NPLOC4: variants seen among roughly 807,000 people sequenced by gnomAD.
NPLOC4 encodes NPL4 homolog, ubiquitin recognition factor.
Under a neutral mutation model 80.6 loss-of-function variants are expected in NPLOC4, and 18 were observed. The observed-to-expected ratio is 0.22, with a 90% confidence interval of 0.15 to 0.33. The LOEUF is 0.33. NPLOC4 is among the 10% of genes least tolerant of loss of function. The probability of loss-of-function intolerance (pLI) is 1.00; values close to 1 mark genes in which losing one functional copy is unlikely to be tolerated. For synonymous variants in NPLOC4, 313 were observed against 301.5 expected, an observed-to-expected ratio of 1.04 and a Z score of -0.39; for missense variants, 540 against 786.1, an observed-to-expected ratio of 0.69 and a Z score of 3.74.
intron 9 of NPLOC4, 105 bp from the exon 10 acceptor site, chr17:81,597,421 C>G: frequency 1.2e-6 from 1 of 833,672 alleles, no homozygotes; most frequent in South Asian, 1.4e-5. Flanking sequence ...GAGGCCGAGG[C>G]AGGAGAATCA....
chr17:81,621,112 A>C (rs910317948), intron 3 of NPLOC4, among the ~76,000 whole-genome samples: 5 of 151,920 alleles, frequency 3.3e-5, no homozygotes, highest in Admixed American at 2.0e-4. Flanking sequence ...AGAAAAGGAA[A>C]GAAGGAAGGA....
intron 5 of NPLOC4, among the ~76,000 whole-genome samples, chr17:81,609,926 G>A (rs566637705): frequency 1.3e-5 from 2 of 152,290 alleles, no homozygotes; most frequent in East Asian, 3.9e-4. Context: ...GTGTCAGATC[G>A]GAAAAGGATT....
intron 15 of NPLOC4, among the ~76,000 whole-genome samples, chr17:81,566,158 C>A (rs937956930): frequency 6.6e-6 from 1 of 152,146 alleles, no homozygotes; most frequent in Non-Finnish European, 1.5e-5. Context: ...GTGGCGAAAC[C>A]CCGTCTCTAC....
At chr17:81,622,719 T>A (rs1313432147) in intron 2 of NPLOC4, among the ~76,000 whole-genome samples, 1 of 151,946 alleles carries the variant, frequency 6.6e-6, no homozygotes, top group Non-Finnish European at 1.5e-5. Context: ...CCCGGCTGAT[T>A]TTTGTATTTT....
intron 7 of NPLOC4, among the ~76,000 whole-genome samples, chr17:81,605,224 T>C (rs2035170389): frequency 6.8e-6 from 1 of 147,778 alleles, no homozygotes; most frequent in South Asian, 2.1e-4. Context: ...GAGCTCGCAG[T>C]GAGCTGAGAT....
At chr17:81,605,834 T>C (rs1255064630) in intron 7 of NPLOC4, among the ~76,000 whole-genome samples, 2 of 151,706 alleles carry the variant, frequency 1.3e-5, no homozygotes, top group African/African-American at 4.8e-5. Flanking sequence ...CTTTTTTTTT[T>C]TTTTTGAGAC....
At chr17:81,563,502 G>C (rs2033914142) in intron 16 of NPLOC4, 1 of 160,872 alleles carries the variant, frequency 6.2e-6, no homozygotes, top group African/African-American at 2.4e-5. Flanking sequence ...CTCAGGAATT[G>C]AAGGCTGTAG....
rs748847455 is a variant in NPLOC4 at position 81,569,006 on chromosome 17, AAG to A, written c.1449+8_1449+9del. On this transcript the variant is annotated splice_region_variant and intron_variant, in intron 14 of 16. Transcript: ENST00000331134. Reference sequence around the variant, plus strand: ...ACCTTAAATTATGTTTCTAAAGACAAAGAGCTCACCTGTGTCTCACCCAATAC... The same window carrying A: ...ACCTTAAATTATGTTTCTAAAGACAAAGCTCACCTGTGTCTCACCCAATAC... 2.6e-6 allele frequency: 4 copies of A among 1,544,246 alleles called. No individual in the cohort carries two copies. Among genetic ancestry groups the A allele is most frequent in the Non-Finnish European group, 3.6e-6 (4 of 1,118,902 alleles).
chr17:81,623,772 A>T (rs2035729004), intron 2 of NPLOC4, among the ~76,000 whole-genome samples: 1 of 150,520 alleles, frequency 6.6e-6, no homozygotes, highest in Non-Finnish European at 1.5e-5. Context: ...CACTCCAGCC[A>T]GGACGACAGA....
At chr17:81,576,651 C>A (rs761786952) in intron 12 of NPLOC4, among the ~76,000 whole-genome samples, 18 of 112,284 alleles carry the variant, frequency 1.6e-4, no homozygotes, top group Non-Finnish European at 2.4e-4. Flanking sequence ...GAAAACCTGG[C>A]GTGTGTTTGC....
intron 8 of NPLOC4, among the ~76,000 whole-genome samples, chr17:81,602,319 G>A (rs2035077799): frequency 6.6e-6 from 1 of 152,110 alleles, no homozygotes; most frequent in Non-Finnish European, 1.5e-5. Flanking sequence ...GGCCAAGGCA[G>A]TAGGATCACT....
In NPLOC4 at chr17:81,596,986, G is replaced by A. The variant is rs548867233; in HGVS notation, c.993+259C>T. On this transcript the variant is annotated intron_variant, in intron 10 of 16. Coordinates refer to ENST00000331134, the MANE Select transcript of NPLOC4 (RefSeq NM_017921.4). Reference sequence around the variant, plus strand: ...AAATTAGCTGGGCATGGTGGCAGGCGCCTGTAGTCCCAGCTTCTCCTGAGG... The same window carrying A: ...AAATTAGCTGGGCATGGTGGCAGGCACCTGTAGTCCCAGCTTCTCCTGAGG... 3.3e-5 allele frequency among the ~76,000 whole-genome samples: 5 copies of A among 152,252 alleles called. No homozygotes were observed. In the East Asian group the frequency reaches 7.7e-4, roughly 24 times the overall value.
chr17:81,616,547 G>A (rs1028109830), intron 3 of NPLOC4, among the ~76,000 whole-genome samples: 6 of 151,528 alleles, frequency 4.0e-5, no homozygotes, highest in South Asian at 2.1e-4. Context: ...TGGCTAACAC[G>A]GTGAAACCCC....
chr17:81,606,686 C>T lies in NPLOC4; in HGVS notation c.654+5G>A. 6.2e-7 allele frequency: 1 copy of T among 1,610,610 alleles called. No homozygotes were observed. The highest frequency in any genetic ancestry group is 1.1e-5 in the South Asian group (1 of 90,548). On this transcript the variant is annotated splice_donor_5th_base_variant and intron_variant, in intron 7 of 16. Coordinates refer to ENST00000331134, the MANE Select transcript of NPLOC4 (RefSeq NM_017921.4). ...ACAAATCTAGACAGACAGGGAACAT[C>T]TCACCTGTCTGTTCAGCGTGATGGC...
rs71367068 is a variant in NPLOC4, at chr17:81,598,094, CAAAAAAAAAAA to C, written c.922-789_922-779del. ...TGGCCCACAGAGCAAGACTCTGTCTCAAAAAAAAAAAAAAAAAAAAAGATAGATGATGAATG... is the reference window on the plus strand; with the variant it reads ...TGGCCCACAGAGCAAGACTCTGTCTCAAAAAAAAAAGATAGATGATGAATG... On this transcript the variant is annotated intron_variant, in intron 9 of 16. Transcript: ENST00000331134. Among the ~76,000 whole-genome samples the C allele has an allele frequency of 2.6e-3, 232 of 88,248 alleles. 8 individuals carry two copies. The South Asian group carries it at 0.08, about 31-fold the overall frequency. 57.9% of individuals were successfully genotyped at this position (88,248 alleles called of 152,430 possible). A position where few individuals can be genotyped will look rare whatever the true frequency, so the allele number is the denominator to read the frequency against.
At chr17:81,589,948 C>A (rs946484375) in intron 11 of NPLOC4, among the ~76,000 whole-genome samples, 8 of 152,074 alleles carry the variant, frequency 5.3e-5, no homozygotes, top group Admixed American at 2.0e-4. Context: ...CATAATAACA[C>A]CAGGGGTGTA....
intron 2 of NPLOC4, among the ~76,000 whole-genome samples, chr17:81,629,219 G>A (rs1426088273): frequency 1.5e-5 from 2 of 135,768 alleles, no homozygotes. Context: ...TTGAGATGGA[G>A]TCTCACTCTG....
chr17:81,587,297 C>T (rs1317781871), intron 12 of NPLOC4, among the ~76,000 whole-genome samples: 4 of 152,286 alleles, frequency 2.6e-5, no homozygotes, highest in South Asian at 4.1e-4. Context: ...AACATAGTGA[C>T]ACCCTGTCTC....
intron 1 of NPLOC4, among the ~76,000 whole-genome samples, chr17:81,636,145 A>G (rs892803176): frequency 5.2e-4 from 79 of 151,898 alleles, no homozygotes; most frequent in Middle Eastern, 3.4e-3. Flanking sequence ...AATTTTTTGT[A>G]TTTTTAGTAG....
Sources: allele counts gnomAD v4.1 joint callset (sites outside exome capture counted in the v4.1 genomes callset), GRCh38; gene constraint gnomAD v4.1.1; transcripts MANE v1.5; gene names NCBI Gene and HGNC (gene_info 2026-07-23, HGNC 2026-07-21).